Variants in NRG1 observed in about 807,000 individuals in gnomAD.
NRG1 encodes the protein pro-neuregulin-1, membrane-bound isoform.
In NRG1, 18 loss-of-function variants were observed where a neutral mutation model predicts 63.8. The observed-to-expected ratio is 0.28, with a 90% confidence interval of 0.19 to 0.42. NRG1 has a LOEUF of 0.42. Among genes scored for constraint, NRG1 ranks in the 10% least tolerant of loss-of-function variants. The probability of loss-of-function intolerance (pLI) is 1.00; values close to 1 mark genes in which losing one functional copy is unlikely to be tolerated. For missense variants in NRG1, 762 were observed against 814.7 expected (o/e 0.94, Z 0.79); for synonymous variants, 302 against 301.3 (o/e 1.00, Z -0.02).
At chr8:31,686,759 G>GTTGTTT (rs142383228) in intron 1 of NRG1, among the ~76,000 whole-genome samples, 4,559 of 151,564 alleles carry the variant, frequency 0.03, 227 homozygotes, top group African/African-American at 0.1. Context: ...GGTCTTTTTT[G>GTTGTTT]TTGTTTTTGT....
intron 1 of NRG1, among the ~76,000 whole-genome samples, chr8:31,947,306 C>CAAAAAAAAAAAAAAAAAAAAAAAAAAAA (rs61713691): frequency 7.5e-6 from 1 of 132,676 alleles, no homozygotes; most frequent in African/African-American, 3.2e-5. Context: ...GACTCCGTCT[C>CAAAAAAAAAAAAAAAAAAAAAAAAAAAA]AAAAAAAAAA....
At chr8:32,275,315 A>C (rs1851976922) in intron 1 of NRG1, among the ~76,000 whole-genome samples, 1 of 152,082 alleles carries the variant, frequency 6.6e-6, no homozygotes, top group Non-Finnish European at 1.5e-5. Context: ...GCAAAATAAC[A>C]CAAAATGCTT....
At chr8:32,252,741 A>G (rs139988270) in intron 1 of NRG1, among the ~76,000 whole-genome samples, 113,456 of 152,050 alleles carry the variant, frequency 0.75, 43,407 homozygotes, top group African/African-American at 0.91. Context: ...GAAAGTCAAT[A>G]GTAGCTTGAT....
intron 1 of NRG1, among the ~76,000 whole-genome samples, chr8:32,069,909 C>T (rs985078592): frequency 6.6e-6 from 1 of 152,180 alleles, no homozygotes; most frequent in African/African-American, 2.4e-5. Flanking sequence ...CGTGCCCACA[C>T]ATCTTTCTCA....
chr8:32,282,357 C>T (rs1044192445), intron 1 of NRG1, among the ~76,000 whole-genome samples: 1 of 152,234 alleles, frequency 6.6e-6, no homozygotes, highest in Admixed American at 6.5e-5. Flanking sequence ...CAAATCCAGA[C>T]TCCTCTAGTT....
intron 1 of NRG1, among the ~76,000 whole-genome samples, chr8:32,478,313 G>A (rs957642067): frequency 8.5e-5 from 13 of 152,126 alleles, no homozygotes; most frequent in African/African-American, 1.2e-4. Context: ...ATTCTCAGCC[G>A]GAGCGGTCTC....
intron 1 of NRG1, among the ~76,000 whole-genome samples, chr8:32,041,766 A>G (rs899009): frequency 0.98 from 149,221 of 152,324 alleles, 73,161 homozygotes; most frequent in East Asian, 1. Context: ...ACCATTTTCT[A>G]GATAAAGAAT....
intron 1 of NRG1, among the ~76,000 whole-genome samples, chr8:32,516,500 C>G (rs1459385711): frequency 6.6e-6 from 1 of 152,140 alleles, no homozygotes; most frequent in African/African-American, 2.4e-5. Context: ...AGCATTGAGT[C>G]TATAGATTGC....
intron 1 of NRG1, among the ~76,000 whole-genome samples, chr8:32,407,499 T>C (rs1189953818): frequency 6.6e-6 from 1 of 151,756 alleles, no homozygotes; most frequent in Non-Finnish European, 1.5e-5. Context: ...AAATTTTACT[T>C]TAGAATAAGA....
At chr8:32,233,006 C>A (rs1375370729) in intron 1 of NRG1, among the ~76,000 whole-genome samples, 2 of 152,130 alleles carry the variant, frequency 1.3e-5, no homozygotes, top group Non-Finnish European at 2.9e-5. Flanking sequence ...TAAGTCATGA[C>A]TTACAAAATT....
chr8:31,932,177 G>A (rs1191490168), intron 1 of NRG1, among the ~76,000 whole-genome samples: 2 of 150,538 alleles, frequency 1.3e-5, no homozygotes, highest in East Asian at 3.9e-4. Context: ...ACCAATTACA[G>A]CATGTGTTAC....
chr8:32,139,252 G>T (rs1464370155), intron 1 of NRG1: 1 of 152,154 alleles, frequency 6.6e-6, no homozygotes, highest in Non-Finnish European at 1.5e-5. Context: ...AAGTGCAACT[G>T]TCTCTTTGAG....
In NRG1 at chr8:31,796,414, C is replaced by CTTTTTT. The variant is rs1158508289; in HGVS notation, c.37+157014_37+157019dup. The stretch of plus-strand genomic sequence containing the variant: ...ATAACCAAATAAGATGGCGTATAAT[C>CTTTTTT]TTTTTTTTTTTTTTTTTTTTTTTTT... On this transcript the variant is annotated intron_variant, in intron 1 of 10. Coordinates refer to the NRG1 transcript ENST00000519301. 2.3e-4 allele frequency among the ~76,000 whole-genome samples: 10 copies of CTTTTTT among 43,340 alleles called. 4 individuals carry two copies. The highest frequency in any genetic ancestry group is 8.6e-4 in the Admixed American group (2 of 2,322). 28.4% of individuals were successfully genotyped at this position (43,340 alleles called of 152,430 possible). A position where few individuals can be genotyped will look rare whatever the true frequency, so the allele number is the denominator to read the frequency against.
At chr8:32,488,817 A>G (rs1208653787) in intron 1 of NRG1, among the ~76,000 whole-genome samples, 2 of 152,064 alleles carry the variant, frequency 1.3e-5, no homozygotes, top group Non-Finnish European at 2.9e-5. Flanking sequence ...TCAGAGTGAC[A>G]CCTCAGAGTT....
intron 1 of NRG1, among the ~76,000 whole-genome samples, chr8:31,995,218 C>A (rs1811770301): frequency 6.6e-6 from 1 of 151,916 alleles, no homozygotes; most frequent in Non-Finnish European, 1.5e-5. Flanking sequence ...CTCTTCTCCC[C>A]TCTGCCCTTT....
intron 5 of NRG1, among the ~76,000 whole-genome samples, chr8:32,622,290 TAAA>T (rs747868327): frequency 7.2e-5 from 11 of 152,236 alleles, no homozygotes; most frequent in Non-Finnish European, 1.6e-4. Flanking sequence ...TCAAAAATAA[TAAA>T]AGAAATAAAT....
intron 1 of NRG1, among the ~76,000 whole-genome samples, chr8:31,879,656 G>A (rs1439011443): frequency 1.3e-5 from 2 of 152,040 alleles, no homozygotes; most frequent in African/African-American, 4.8e-5. Flanking sequence ...ACATCATTGA[G>A]GTATTAAGCT....
intron 5 of NRG1, among the ~76,000 whole-genome samples, chr8:32,686,302 T>G (rs1810111666): frequency 6.6e-6 from 1 of 152,120 alleles, no homozygotes; most frequent in African/African-American, 2.4e-5. Context: ...AAAATGAGCC[T>G]GAACTGAAAA....
At chr8:32,209,211 A>G (rs1278466393) in intron 1 of NRG1, among the ~76,000 whole-genome samples, 1 of 152,156 alleles carries the variant, frequency 6.6e-6, no homozygotes, top group African/African-American at 2.4e-5. Flanking sequence ...CTATTTTAAC[A>G]ATGAATGCCT....
Sources: gnomAD v4.1 joint callset for allele counts (sites outside exome capture counted in the v4.1 genomes callset) on GRCh38, gnomAD v4.1.1 for gene constraint, MANE v1.5 for transcripts, NCBI Gene and HGNC (gene_info 2026-07-23, HGNC 2026-07-21) for gene names.